NETO1: variants seen among roughly 807,000 people sequenced by gnomAD.
The protein encoded by NETO1 is neuropilin and tolloid-like protein 1.
Under a neutral mutation model 61.3 loss-of-function variants are expected in NETO1, and 26 were observed. The ratio of observed to expected loss-of-function variants is 0.42; its 90% CI spans 0.31 to 0.59. NETO1 has a LOEUF of 0.59. Ranked by LOEUF, NETO1 falls within the 20% of genes least tolerant of loss-of-function variation. NETO1 has a pLI of 0.12. For synonymous variants in NETO1, 225 were observed against 225.8 expected (o/e 1.00, Z 0.03); for missense variants, 531 against 662.8 (o/e 0.80, Z 2.18).
At chr18:72,765,644 T>G (rs1020342301) in intron 7 of NETO1, among the ~76,000 whole-genome samples, 7 of 152,032 alleles carry the variant, frequency 4.6e-5, no homozygotes, top group African/African-American at 1.4e-4. Context: ...GTCTTGAACT[T>G]CTGGCCTCAT....
At chr18:72,771,172 A>T (rs11661185) in intron 7 of NETO1, among the ~76,000 whole-genome samples, 1 of 152,116 alleles carries the variant, frequency 6.6e-6, no homozygotes, top group East Asian at 1.9e-4. Flanking sequence ...AATGAAAATT[A>T]TGTGAACAAA....
At chr18:72,761,378 A>C (rs1178026026) in intron 7 of NETO1, among the ~76,000 whole-genome samples, 1 of 152,246 alleles carries the variant, frequency 6.6e-6, no homozygotes, top group Non-Finnish European at 1.5e-5. Context: ...TAAATTATGC[A>C]TATTAAATAA....
At chr18:72,813,750 T>C (rs1166144260) in intron 4 of NETO1, among the ~76,000 whole-genome samples, 2 of 151,752 alleles carry the variant, frequency 1.3e-5, no homozygotes, top group South Asian at 4.2e-4. Flanking sequence ...CACAGACAGA[T>C]GAAGAGTGAG....
At chr18:72,814,644 A>G (rs1341689982) in intron 4 of NETO1, among the ~76,000 whole-genome samples, 1 of 152,062 alleles carries the variant, frequency 6.6e-6, no homozygotes, top group East Asian at 1.9e-4. Flanking sequence ...TAATTTAGGG[A>G]AACGTAACTG....
At chr18:72,775,560 A>T (rs2071518921) in intron 7 of NETO1, among the ~76,000 whole-genome samples, 1 of 152,248 alleles carries the variant, frequency 6.6e-6, no homozygotes, top group Non-Finnish European at 1.5e-5. Context: ...CACAGTATGT[A>T]GGCATAAAAT....
chr18:72,783,039 A>G (rs1456515911), intron 7 of NETO1, among the ~76,000 whole-genome samples: 3 of 152,196 alleles, frequency 2.0e-5, no homozygotes, highest in Admixed American at 6.5e-5. Context: ...AATTTGTAAC[A>G]CATGAAATAT....
chr18:72,846,504 C>CAAAAAAAAAAAA (rs35252443), intron 4 of NETO1, among the ~76,000 whole-genome samples: 232 of 13,006 alleles, frequency 0.018, 61 homozygotes, highest in Non-Finnish European at 0.025. Flanking sequence ...GACTTCATCT[C>CAAAAAAAAAAAA]AAAAAAAAAA....
chr18:72,848,770 T>C (rs1216494570), intron 4 of NETO1, among the ~76,000 whole-genome samples: 2 of 152,334 alleles, frequency 1.3e-5, no homozygotes, highest in East Asian at 1.9e-4. Context: ...TGCAGCTGAA[T>C]AGTTACATAA....
chr18:72,748,977 G>T, intron 10 of NETO1, 37 bp downstream of exon 10: 1 of 1,312,764 alleles, frequency 7.6e-7, no homozygotes, highest in South Asian at 1.2e-5. Flanking sequence ...AACAGAATAC[G>T]ACAAAGTAGG....
chr18:72,844,540 T>C (rs2074027519), intron 4 of NETO1, among the ~76,000 whole-genome samples: 1 of 152,224 alleles, frequency 6.6e-6, no homozygotes, highest in African/African-American at 2.4e-5. Context: ...CCTCCTCTCC[T>C]TTCAAAGTTA....
rs981702977 is a variant in NETO1 at position 72,747,992 on chromosome 18, G to A, written c.*187C>T. On this transcript the variant is annotated 3_prime_UTR_variant, in exon 11 of 11. Coordinates refer to ENST00000327305, the MANE Select transcript of NETO1 (RefSeq NM_138966.5). ...ACTTGGTGGCCAGCAACCAAATTAC[G>A]AAATGAACATATCAGTGTGCAGCGG... 7.0e-5 allele frequency: 22 copies of A among 312,846 alleles called. No individual in the cohort carries two copies. The highest frequency in any genetic ancestry group is 7.0e-5 in the Non-Finnish European group (15 of 215,004). The allele number at this position is 312,846 out of a possible 1,614,324, so 19.4% of individuals were successfully genotyped here. A position where few individuals can be genotyped will look rare whatever the true frequency, so the allele number is the denominator to read the frequency against.
intron 7 of NETO1, among the ~76,000 whole-genome samples, chr18:72,773,998 C>T (rs1434828024): frequency 5.3e-5 from 8 of 151,750 alleles, no homozygotes; most frequent in Middle Eastern, 3.4e-3. Context: ...TCTTTTGTCA[C>T]GAGTTAACAT....
chr18:72,774,596 A>C (rs1023184718), intron 7 of NETO1, among the ~76,000 whole-genome samples: 2 of 152,192 alleles, frequency 1.3e-5, no homozygotes, highest in African/African-American at 2.4e-5. Context: ...GAATTATCCA[A>C]TGTATGGCAT....
chr18:72,834,682 C>G, intron 4 of NETO1: 1 of 985,108 alleles, frequency 1.0e-6, no homozygotes, highest in Non-Finnish European at 1.2e-6. Context: ...CTTCAACTTT[C>G]TCTCGGAATG....
chr18:72,822,995 A>G (rs542654075), intron 4 of NETO1, among the ~76,000 whole-genome samples: 44 of 152,206 alleles, frequency 2.9e-4, no homozygotes, highest in African/African-American at 1.0e-3. Flanking sequence ...AGTTTGGGAG[A>G]TTTAATATTT....
intron 4 of NETO1, among the ~76,000 whole-genome samples, chr18:72,831,711 T>G (rs1568237286): frequency 6.6e-6 from 1 of 152,228 alleles, no homozygotes. Context: ...TAGATTAGCA[T>G]AAAAAACACT....
intron 8 of NETO1, among the ~76,000 whole-genome samples, chr18:72,753,119 G>T (rs1406790810): frequency 2.0e-5 from 3 of 152,054 alleles, no homozygotes; most frequent in Non-Finnish European, 4.4e-5. Context: ...AAAACTAGAG[G>T]AGCTAAAACT....
intron 3 of NETO1, among the ~76,000 whole-genome samples, chr18:72,862,372 A>C (rs1266749923): frequency 6.6e-6 from 1 of 152,228 alleles, no homozygotes; most frequent in Non-Finnish European, 1.5e-5. Flanking sequence ...GTACATATAT[A>C]CATTTTCAGC....
intron 4 of NETO1, among the ~76,000 whole-genome samples, chr18:72,827,815 A>T (rs761835277): frequency 6.6e-6 from 1 of 151,742 alleles, no homozygotes; most frequent in Non-Finnish European, 1.5e-5. Flanking sequence ...CTGACTTACG[A>T]CTCCTACAGC....
Sources: gnomAD v4.1 joint callset for allele counts (sites outside exome capture counted in the v4.1 genomes callset) on GRCh38, gnomAD v4.1.1 for gene constraint, MANE v1.5 for transcripts, NCBI Gene and HGNC (gene_info 2026-07-23, HGNC 2026-07-21) for gene names.